Variants in SLC24A2 observed in about 807,000 individuals in gnomAD.
The protein encoded by SLC24A2 is solute carrier family 24 member 2.
SLC24A2 carries 36 observed loss-of-function variants against 62.0 expected under a neutral mutation model. The ratio of observed to expected loss-of-function variants is 0.58; its 90% CI spans 0.44 to 0.77. The LOEUF (loss-of-function observed/expected upper bound fraction) is 0.77, where lower values mean the gene tolerates loss of function less well. SLC24A2 is among the 30% of genes least tolerant of loss of function. SLC24A2 has a pLI of 0.00. For synonymous variants in SLC24A2, 358 were observed against 294.0 expected, an observed-to-expected ratio of 1.22 and a Z score of -2.23; for missense variants, 846 against 817.9, an observed-to-expected ratio of 1.03 and a Z score of -0.42.
the SLC24A2 span, among the ~76,000 whole-genome samples, chr9:20,230,062 C>G: frequency 6.6e-6 from 1 of 152,254 alleles, no homozygotes; most frequent in South Asian, 2.1e-4. Flanking sequence ...AGGACATGAA[C>G]TCATCATTTT....
chr9:19,552,989 C>T (rs1303306867), intron 7 of SLC24A2, among the ~76,000 whole-genome samples: 2 of 152,216 alleles, frequency 1.3e-5, no homozygotes, highest in Admixed American at 1.3e-4. Context: ...GAGACTATGT[C>T]TCAGGCTGTG....
At chr9:20,198,810 A>G in the SLC24A2 span, among the ~76,000 whole-genome samples, 3 of 152,144 alleles carry the variant, frequency 2.0e-5, no homozygotes, top group African/African-American at 7.2e-5. Context: ...TAAACTTCCA[A>G]CTGGCTCTGG....
the SLC24A2 span, among the ~76,000 whole-genome samples, chr9:19,887,560 G>A: frequency 0.093 from 14,214 of 152,116 alleles, 2,029 homozygotes; most frequent in African/African-American, 0.31. Context: ...AATAGATGTG[G>A]GTATGGATGC....
At chr9:20,133,141 C>CTAA in the SLC24A2 span, among the ~76,000 whole-genome samples, 1 of 152,096 alleles carries the variant, frequency 6.6e-6, no homozygotes, top group African/African-American at 2.4e-5. Flanking sequence ...ATTTTCCCTT[C>CTAA]TAATGGCCTG....
intron 2 of SLC24A2, among the ~76,000 whole-genome samples, chr9:19,722,410 TATA>T (rs1182708812): frequency 1.3e-5 from 2 of 152,150 alleles, no homozygotes; most frequent in Non-Finnish European, 2.9e-5. Context: ...TGACTTTCTA[TATA>T]ATAACAAATA....
chr9:19,831,870 T>C, the SLC24A2 span, among the ~76,000 whole-genome samples: 1 of 152,236 alleles, frequency 6.6e-6, no homozygotes, highest in Admixed American at 6.5e-5. Flanking sequence ...AATAGAAGAA[T>C]GTATTCAATA....
intron 2 of SLC24A2, among the ~76,000 whole-genome samples, chr9:19,782,810 T>C (rs1307323785): frequency 6.6e-6 from 1 of 152,232 alleles, no homozygotes; most frequent in Non-Finnish European, 1.5e-5. Flanking sequence ...GTAGGTATCA[T>C]TATTCTCATT....
chr9:19,631,087 T>C (rs747235654), intron 2 of SLC24A2, among the ~76,000 whole-genome samples: 3 of 152,234 alleles, frequency 2.0e-5, no homozygotes, highest in South Asian at 2.1e-4. Context: ...TTTTCACTAT[T>C]GAGCACCCTT....
At chr9:19,614,301 C>G (rs1161517817) in intron 4 of SLC24A2, among the ~76,000 whole-genome samples, 2 of 152,176 alleles carry the variant, frequency 1.3e-5, no homozygotes, top group East Asian at 1.9e-4. Context: ...ATTCATCTGC[C>G]TTAAGCAGAT....
At chr9:19,822,808 T>C in the SLC24A2 span, among the ~76,000 whole-genome samples, 1 of 152,158 alleles carries the variant, frequency 6.6e-6, no homozygotes, top group East Asian at 1.9e-4. Flanking sequence ...AGAGGAAAGG[T>C]ATCATCATAT....
chr9:19,732,114 A>C (rs63678160), intron 2 of SLC24A2, among the ~76,000 whole-genome samples: 1 of 5,120 alleles, frequency 2.0e-4, no homozygotes, highest in African/African-American at 1.4e-3. Context: ...TTGTTTTGTT[A>C]AAAAAAAAAC....
At chr9:19,560,266 C>A (rs566377642) in intron 7 of SLC24A2, among the ~76,000 whole-genome samples, 9 of 152,040 alleles carry the variant, frequency 5.9e-5, no homozygotes, top group Non-Finnish European at 1.3e-4. Context: ...ATGTCAGTCC[C>A]TACTGACTGT....
chr9:19,927,751 A>C, the SLC24A2 span: 1 of 152,154 alleles, frequency 6.6e-6, no homozygotes, highest in Non-Finnish European at 1.5e-5. Flanking sequence ...AACCAAACTC[A>C]GTTGTTTCAG....
intron 2 of SLC24A2, among the ~76,000 whole-genome samples, chr9:19,629,220 C>T (rs1818112661): frequency 6.6e-6 from 1 of 152,106 alleles, no homozygotes; most frequent in Admixed American, 6.6e-5. Flanking sequence ...CAGAGCCTTC[C>T]TAAGTGCTGG....
the SLC24A2 span, among the ~76,000 whole-genome samples, chr9:20,268,239 C>T: frequency 1.5e-4 from 23 of 152,246 alleles, no homozygotes; most frequent in South Asian, 2.3e-3. Context: ...GAGGAGAGGG[C>T]GCTCCCTCAC....
intron 2 of SLC24A2, among the ~76,000 whole-genome samples, chr9:19,658,997 T>C (rs1216329068): frequency 6.6e-6 from 1 of 152,152 alleles, no homozygotes; most frequent in Non-Finnish European, 1.5e-5. Context: ...TTGAATTGTG[T>C]CCTCTCAAAA....
chr9:19,907,343 A>C, the SLC24A2 span, among the ~76,000 whole-genome samples: 2 of 152,234 alleles, frequency 1.3e-5, no homozygotes, highest in African/African-American at 2.4e-5. Flanking sequence ...AATAAGAGCT[A>C]TCTATGACAA....
chr9:19,583,352 A>G (rs375422653), intron 5 of SLC24A2, among the ~76,000 whole-genome samples: 1 of 152,272 alleles, frequency 6.6e-6, no homozygotes. Context: ...ATTGAAATCT[A>G]TAGCTTCTCT....
chr9:20,051,482 G>A, the SLC24A2 span, among the ~76,000 whole-genome samples: 1 of 151,870 alleles, frequency 6.6e-6, no homozygotes, highest in African/African-American at 2.4e-5. Flanking sequence ...AACATGATTA[G>A]CAAACTTCAT....
Sources: gnomAD v4.1 joint callset for allele counts (sites outside exome capture counted in the v4.1 genomes callset) on GRCh38, gnomAD v4.1.1 for gene constraint, MANE v1.5 for transcripts, NCBI Gene and HGNC (gene_info 2026-07-23, HGNC 2026-07-21) for gene names.